The following ZNF138 variants were observed in gnomAD, a reference collection of about 807,000 sequenced individuals.
ZNF138 encodes zinc finger protein 138 (clone pHZ-32).
ZNF138 carries 33 observed loss-of-function variants against 33.0 expected under a neutral mutation model. That is an observed-to-expected ratio of 1.00 (90% CI 0.76 to 1.34). ZNF138 has a LOEUF of 1.34. ZNF138 is among the 40% of genes most tolerant of loss of function. ZNF138 has a pLI of 0.00. For synonymous variants in ZNF138, 139 were observed against 120.4 expected, an observed-to-expected ratio of 1.15 and a Z score of -1.01; for missense variants, 360 against 370.8, an observed-to-expected ratio of 0.97 and a Z score of 0.24.
Position 64,814,965 on chromosome 7 carries a change from G to C in ZNF138, c.51G>C (p.Glu17Asp). The change falls in exon 2 of 4, where the codon GAG (glutamate) becomes GAC (aspartate). Residue 17 changes from glutamate (E) to aspartate (D), a missense_variant. Coordinates refer to ENST00000307355, the MANE Select transcript of ZNF138 (RefSeq NM_001271639.2). ...MDVAIEFSLE[E>D]WQCLDTAQRN... ...TGGCCATAGAGTTCTCTTTGGAGGA[G>C]TGGCAGTGCCTGGACACTGCACAGC... 6.2e-7 allele frequency: 1 copy of C among 1,613,442 alleles called. No homozygotes were observed. The highest frequency in any genetic ancestry group is 1.3e-5 in the African/African-American group (1 of 74,900).
In ZNF138 at chr7:64,807,325, T is replaced by C. The variant is rs373748403; in HGVS notation, c.4-7593T>C. On this transcript the variant is annotated intron_variant, in intron 1 of 3. Transcript: ENST00000307355. ...TCCACAACCTAGCTGGTCTGGGCAC[T>C]CTGTCCCTCTTTTTGCCTTTACAAA... Among the ~76,000 whole-genome samples the C allele has an allele frequency of 5.3e-5, 8 of 152,334 alleles. No individual in the cohort carries two copies. In the East Asian group the frequency reaches 1.4e-3, roughly 26 times the overall value.
chr7:64,809,158 C>T (rs1415183498), intron 1 of ZNF138, among the ~76,000 whole-genome samples: 5 of 120,308 alleles, frequency 4.2e-5, no homozygotes, highest in African/African-American at 1.3e-4. Flanking sequence ...CCAGTAGGGG[C>T]GGCCGGGCAG....
chr7:64,804,345 C>CTT (rs1787401771), intron 1 of ZNF138, among the ~76,000 whole-genome samples: 1 of 152,188 alleles, frequency 6.6e-6, no homozygotes, highest in Non-Finnish European at 1.5e-5. Flanking sequence ...GTACCCCCTG[C>CTT]TTGCTCAATT....
intron 3 of ZNF138, among the ~76,000 whole-genome samples, chr7:64,827,454 C>G (rs1439135820): frequency 1.3e-5 from 2 of 151,454 alleles, no homozygotes; most frequent in African/African-American, 4.9e-5. Context: ...CCGTGTTAGC[C>G]AGGATGGTCT....
intron 1 of ZNF138, among the ~76,000 whole-genome samples, chr7:64,801,009 T>C (rs773260627): frequency 9.2e-5 from 14 of 152,298 alleles, no homozygotes; most frequent in Non-Finnish European, 2.1e-4. Context: ...TTTGTATTTT[T>C]CTGGGGTCAG....
intron 1 of ZNF138, among the ~76,000 whole-genome samples, 187 bp downstream of exon 1, chr7:64,794,758 C>G (rs1786551831): frequency 6.6e-6 from 1 of 152,180 alleles, no homozygotes; most frequent in Non-Finnish European, 1.5e-5. Context: ...ACAGCCGGAA[C>G]CAGGCGTCCT....
At chr7:64,852,512 A>G in the ZNF138 span, 4 of 1,575,112 alleles carry the variant, frequency 2.5e-6, no homozygotes, top group Admixed American at 3.3e-5. Context: ...TACAATCCCA[A>G]TAATCCATGC....
intron 1 of ZNF138, among the ~76,000 whole-genome samples, chr7:64,809,621 C>T (rs184106707): frequency 0.94 from 129,075 of 137,788 alleles, 60,545 homozygotes; most frequent in South Asian, 0.97. Context: ...CCCTCCCAGA[C>T]GGGGTGGCTG....
chr7:64,852,591 A>T, the ZNF138 span: 1 of 1,538,478 alleles, frequency 6.5e-7, no homozygotes, highest in African/African-American at 1.4e-5. Context: ...TCACATGGTA[A>T]ACAGATCAGA....
At chr7:64,851,066 TAAC>T in the ZNF138 span, among the ~76,000 whole-genome samples, 2 of 152,224 alleles carry the variant, frequency 1.3e-5, no homozygotes, top group East Asian at 3.8e-4. Flanking sequence ...TCGAGTTAAA[TAAC>T]AACTTGCTTA....
chr7:64,805,222 C>T lies in ZNF138; in HGVS notation c.4-9696C>T, dbSNP rs559081418. ...GACCAGCCTGACCAACATGGTGAAA[C>T]CCCGTCTCCACCAAAAATACAAAAA... is the stretch of plus-strand genomic sequence containing the variant. On this transcript the variant is annotated intron_variant, in intron 1 of 3. Coordinates refer to ENST00000307355, the MANE Select transcript of ZNF138 (RefSeq NM_001271639.2). Among the ~76,000 whole-genome samples, 4 of 152,190 alleles carry T rather than the reference C, an allele frequency of 2.6e-5. No individual in the cohort carries two copies. In the East Asian group the frequency reaches 7.8e-4, roughly 30 times the overall value.
rs1457656778 is a variant in ZNF138 at position 64,821,028 on chromosome 7, G to A, written c.208+5375G>A. 1.1e-4 allele frequency among the ~76,000 whole-genome samples: 5 copies of A among 46,914 alleles called. No homozygotes were observed. The Admixed American group carries it at 1.7e-3, about 16-fold the overall frequency. The allele number at this position is 46,914 out of a possible 152,430, so 30.8% of individuals were successfully genotyped here. A position where few individuals can be genotyped will look rare whatever the true frequency, so the allele number is the denominator to read the frequency against. Reference sequence around the variant, plus strand: ...ATGATGGCCATTCTAATTGGTGTGAGGTGATTGTTTTTTTTTGTTTTGTTT... The same window carrying A: ...ATGATGGCCATTCTAATTGGTGTGAAGTGATTGTTTTTTTTTGTTTTGTTT... On this transcript the variant is annotated intron_variant, in intron 3 of 3. Transcript: ENST00000307355.
At chr7:64,797,541 GTTC>G (rs1313853619) in intron 1 of ZNF138, among the ~76,000 whole-genome samples, 1 of 151,978 alleles carries the variant, frequency 6.6e-6, no homozygotes, top group Non-Finnish European at 1.5e-5. Context: ...GGCCCAGTTA[GTTC>G]TTTCTAGGAA....
Position 64,810,722 on chromosome 7 carries a change from C to T in ZNF138, c.4-4196C>T, listed in dbSNP as rs1445583830. Among the ~76,000 whole-genome samples the T allele has an allele frequency of 3.3e-5, 5 of 152,014 alleles. No individual in the cohort carries two copies. The South Asian group carries it at 6.2e-4, about 19-fold the overall frequency. ...GCAGAATTCTACATAGGGTACACTC[C>T]CTGCCCCAGCCTTGTTCAAATTTAC... is the stretch of plus-strand genomic sequence containing the variant. On this transcript the variant is annotated intron_variant, in intron 1 of 3. Transcript: ENST00000307355.
intron 1 of ZNF138, among the ~76,000 whole-genome samples, chr7:64,798,778 CAAA>C (rs75929259): frequency 4.3e-5 from 5 of 116,088 alleles, no homozygotes; most frequent in East Asian, 2.5e-4. Flanking sequence ...AACTCCGACT[CAAA>C]AAAAAAAAAA....
chr7:64,844,500 A>T, the ZNF138 span, among the ~76,000 whole-genome samples: 1 of 151,982 alleles, frequency 6.6e-6, no homozygotes, highest in Non-Finnish European at 1.5e-5. Context: ...CTGAAAGGCT[A>T]TGTGAGATTG....
chr7:64,821,071 T>C (rs1271972917), intron 3 of ZNF138, among the ~76,000 whole-genome samples: 1 of 149,266 alleles, frequency 6.7e-6, no homozygotes, highest in Non-Finnish European at 1.5e-5. Flanking sequence ...TTTTGTTTTG[T>C]TTTGTTTTTT....
At chr7:64,813,458 G>C (rs919482449) in intron 1 of ZNF138, among the ~76,000 whole-genome samples, 2 of 145,846 alleles carry the variant, frequency 1.4e-5, no homozygotes, top group Non-Finnish European at 3.0e-5. Context: ...TTTTTTAATG[G>C]AGTCTCGCGC....
the ZNF138 span, among the ~76,000 whole-genome samples, chr7:64,840,546 T>G: frequency 3.9e-5 from 6 of 152,200 alleles, no homozygotes; most frequent in African/African-American, 1.4e-4. Context: ...AAATGAAGTT[T>G]CCATCAACTC....
Sources: allele counts gnomAD v4.1 joint callset (sites outside exome capture counted in the v4.1 genomes callset), GRCh38; gene constraint gnomAD v4.1.1; transcripts MANE v1.5; gene names NCBI Gene and HGNC (gene_info 2026-07-23, HGNC 2026-07-21).